MXD4: variants seen among roughly 807,000 people sequenced by gnomAD.
The protein encoded by MXD4 is Mad4 homolog.
In MXD4, 16 loss-of-function variants were observed where a neutral mutation model predicts 24.5. The ratio of observed to expected loss-of-function variants is 0.65; its 90% CI spans 0.44 to 0.99. The LOEUF (loss-of-function observed/expected upper bound fraction) is 0.99. Ranked by LOEUF, MXD4 falls within the 50% of genes least tolerant of loss-of-function variation. The pLI, the probability that MXD4 is intolerant of heterozygous loss-of-function variation, is 0.00. For synonymous variants in MXD4, 164 were observed against 134.2 expected (o/e 1.22, Z -1.54); for missense variants, 301 against 301.5 (o/e 1.00, Z 0.01).
At chr4:2,256,806 C>T (rs1735440829) in intron 3 of MXD4, among the ~76,000 whole-genome samples, 1 of 151,580 alleles carries the variant, frequency 6.6e-6, no homozygotes, top group Non-Finnish European at 1.5e-5. Context: ...CACCCACCCT[C>T]CCCCAATGTC....
intron 2 of MXD4, 77 bp from the exon 3 acceptor site, chr4:2,258,088 G>C: frequency 6.3e-7 from 1 of 1,576,350 alleles, no homozygotes; most frequent in Non-Finnish European, 8.7e-7. Flanking sequence ...CTCTCCTAGG[G>C]GGCCAGGACC....
chr4:2,252,585 G>C (rs1577818692), intron 3 of MXD4, 63 bp from the exon 4 acceptor site: 1 of 1,178,488 alleles, frequency 8.5e-7, no homozygotes. Context: ...CAGTTTCCAG[G>C]GCCCTGCACA....
rs377312083 is a variant in MXD4, at chr4:2,251,266, T to C, written c.310-20A>G. ...CAGTTTCTGGGGTCGAGGGGGGCTG[T>C]GAGCTCACAGCGGGAAGAGGAGTCC... On this transcript the variant is annotated intron_variant, in intron 4 of 5. Coordinates refer to ENST00000337190, the MANE Select transcript of MXD4 (RefSeq NM_006454.3). 20 of 1,570,844 alleles carry C rather than the reference T, an allele frequency of 1.3e-5. No homozygotes were observed. Among genetic ancestry groups the C allele is most frequent in the Non-Finnish European group, 1.6e-5 (18 of 1,153,804 alleles).
chr4:2,260,120 G>A (rs1735509173), intron 2 of MXD4, among the ~76,000 whole-genome samples: 1 of 152,240 alleles, frequency 6.6e-6, no homozygotes, highest in African/African-American at 2.4e-5. Flanking sequence ...GCCAGCCCTG[G>A]GCTGCCTCAG....
intron 3 of MXD4, chr4:2,255,166 C>A (rs143040223): frequency 7.7e-6 from 3 of 388,844 alleles, no homozygotes; most frequent in South Asian, 5.7e-5. Context: ...TACGTGGTGT[C>A]GGGTGAAAGA....
At chr4:2,259,974 A>G (rs1735506235) in intron 2 of MXD4, among the ~76,000 whole-genome samples, 1 of 152,172 alleles carries the variant, frequency 6.6e-6, no homozygotes, top group East Asian at 1.9e-4. Context: ...ACCTTGGCAG[A>G]GCATGGAAGC....
rs370027626 is a variant in MXD4, at chr4:2,252,397, G to A, written c.309+11C>T. On this transcript the variant is annotated intron_variant, in intron 4 of 5. Coordinates refer to ENST00000337190, the MANE Select transcript of MXD4 (RefSeq NM_006454.3). ...CCAGACAGGGCAGGGTGGAGAGCAA[G>A]GCCCACTCACCTTGATGTGCACCTT... is the stretch of plus-strand genomic sequence containing the variant. 1.7e-5 allele frequency: 28 copies of A among 1,605,858 alleles called. No individual in the cohort carries two copies. Among genetic ancestry groups the A allele is most frequent in the Middle Eastern group, 4.0e-4 (2 of 4,958 alleles).
At chr4:2,255,983 G>A (rs908701511) in intron 3 of MXD4, among the ~76,000 whole-genome samples, 9 of 152,198 alleles carry the variant, frequency 5.9e-5, no homozygotes, top group Non-Finnish European at 1.0e-4. Flanking sequence ...AGAACTTCCC[G>A]AGGTATGTGA....
chr4:2,252,545 C>G (rs763250921), intron 3 of MXD4, 23 bp from the exon 4 acceptor site: 1 of 1,576,248 alleles, frequency 6.3e-7, no homozygotes, highest in Admixed American at 1.7e-5. Context: ...GAGACAGAAC[C>G]ATCAGGCTGG....
chr4:2,251,185 C>T lies in MXD4; in HGVS notation c.371G>A (p.Arg124His), dbSNP rs376861289. The change falls in exon 5 of 6, where the codon CGT (arginine) becomes CAT (histidine). Residue 124 changes from arginine to histidine, a missense_variant. Physicochemically the swap from Arg to His is conservative, Grantham distance 29 (BLOSUM62 0). Coordinates refer to ENST00000337190, the MANE Select transcript of MXD4 (RefSeq NM_006454.3). Reference protein sequence around the residue: ...SIKEQLQQEHRFLKRRLEQLS... With the variant: ...SIKEQLQQEHHFLKRRLEQLS... ...CTGCTCCAGGCGCCGCTTCAGGAAACGATGCTCCTGCTGCAGCTGCTCCTT... is the reference window on the plus strand; with the variant it reads ...CTGCTCCAGGCGCCGCTTCAGGAAATGATGCTCCTGCTGCAGCTGCTCCTT... 7.3e-5 allele frequency: 118 copies of T among 1,606,572 alleles called. 3 individuals carry two copies. The highest frequency in any genetic ancestry group is 4.5e-4 in the East Asian group (20 of 44,608).
chr4:2,260,452 T>G (rs1735516592), intron 2 of MXD4: 2 of 425,206 alleles, frequency 4.7e-6, no homozygotes, highest in East Asian at 7.2e-5. Context: ...GGACGCTGGT[T>G]GTCAGCTTTG....
rs564167984 is a variant in MXD4, at chr4:2,255,699, A to G, written c.194+2283T>C. On this transcript the variant is annotated intron_variant, in intron 3 of 5. Coordinates refer to ENST00000337190, the MANE Select transcript of MXD4 (RefSeq NM_006454.3). ...GGCTTTTAAAACCTCCACTTCCTGA[A>G]GGAACCCTGTGTGGATTCAGGAGGC... is the stretch of plus-strand genomic sequence containing the variant. Among the ~76,000 whole-genome samples, 5 of 152,288 alleles carry G rather than the reference A, an allele frequency of 3.3e-5. No homozygotes were observed. The South Asian group carries it at 1.0e-3, about 32-fold the overall frequency.
At chr4:2,258,841 C>T (rs763615647) in intron 2 of MXD4, 4 of 450,884 alleles carry the variant, frequency 8.9e-6, no homozygotes, top group Non-Finnish European at 1.8e-5. Flanking sequence ...CCTGGAGGCC[C>T]GGGCTCAGCT....
chr4:2,251,056 T>A, intron 5 of MXD4, 28 bp downstream of exon 5: 6 of 1,524,270 alleles, frequency 3.9e-6, no homozygotes, highest in Non-Finnish European at 5.3e-6. Flanking sequence ...GAGGCCCAGG[T>A]GAGGCTGCCC....
Position 2,251,278 on chromosome 4 carries a change from G to A in MXD4, c.310-32C>T, listed in dbSNP as rs377061331. 1.1e-5 allele frequency: 17 copies of A among 1,542,556 alleles called. No individual in the cohort carries two copies. The Admixed American group carries it at 1.3e-4, about 12-fold the overall frequency. On this transcript the variant is annotated intron_variant, in intron 4 of 5. Transcript: ENST00000337190. ...TCGAGGGGGGCTGTGAGCTCACAGC[G>A]GGAAGAGGAGTCCCCCCATCCCCCT...
At chr4:2,256,256 C>A (rs1735426529) in intron 3 of MXD4, among the ~76,000 whole-genome samples, 1 of 152,212 alleles carries the variant, frequency 6.6e-6, no homozygotes, top group Non-Finnish European at 1.5e-5. Context: ...GTCCCCAGGA[C>A]CCTGGGGTTG....
intron 2 of MXD4, among the ~76,000 whole-genome samples, chr4:2,261,197 G>T (rs1238675177): frequency 6.6e-6 from 1 of 152,248 alleles, no homozygotes; most frequent in Non-Finnish European, 1.5e-5. Flanking sequence ...GCCCAGGACA[G>T]CGCCTCCACT....
chr4:2,251,192 C>G lies in MXD4; in HGVS notation c.364G>C (p.Glu122Gln). 2 of 1,607,482 alleles carry G rather than the reference C, an allele frequency of 1.2e-6. No homozygotes were observed. The highest frequency in any genetic ancestry group is 1.7e-6 in the Non-Finnish European group (2 of 1,176,856). Reference protein sequence around the residue: ...ALSIKEQLQQEHRFLKRRLEQ... With the variant: ...ALSIKEQLQQQHRFLKRRLEQ... Reference sequence around the variant, plus strand: ...AGGCGCCGCTTCAGGAAACGATGCTCCTGCTGCAGCTGCTCCTTGATGCTC... The same window carrying G: ...AGGCGCCGCTTCAGGAAACGATGCTGCTGCTGCAGCTGCTCCTTGATGCTC... Residue 122 changes from glutamate (E) to glutamine (Q), a missense_variant, in exon 5 of 6, where the codon GAG (glutamate) becomes CAG (glutamine). By Grantham distance (29) the Glu-to-Gln change is conservative. Transcript: ENST00000337190.
chr4:2,261,866 GC>G, intron 1 of MXD4, 42 bp from the exon 2 acceptor site: 2 of 1,382,602 alleles, frequency 1.4e-6, no homozygotes, highest in Non-Finnish European at 1.9e-6. Context: ...GCCCGGCACG[GC>G]CCCGCCGCCC....
Sources: allele counts gnomAD v4.1 joint callset (sites outside exome capture counted in the v4.1 genomes callset), GRCh38; gene constraint gnomAD v4.1.1; transcripts MANE v1.5; gene names NCBI Gene and HGNC (gene_info 2026-07-23, HGNC 2026-07-21).